RRAGD: variants seen among roughly 807,000 people sequenced by gnomAD.
RRAGD encodes the protein Ras related GTP binding D, also known as ras-related GTP-binding protein D.
A neutral mutation model predicts 35.5 loss-of-function variants in RRAGD; 12 were observed. The ratio of observed to expected loss-of-function variants is 0.34; its 90% confidence interval spans 0.22 to 0.55. The LOEUF is 0.55. Ranked by LOEUF, RRAGD falls within the 20% of genes least tolerant of loss-of-function variation. The probability of loss-of-function intolerance (pLI) is 0.91; values close to 1 mark genes in which losing one functional copy is unlikely to be tolerated. For synonymous variants in RRAGD, 155 were observed against 178.9 expected, an observed-to-expected ratio of 0.87 and a Z score of 1.07; for missense variants, 324 against 490.1, an observed-to-expected ratio of 0.66 and a Z score of 3.20.
In RRAGD at chr6:89,387,400, A is replaced by G. The variant is rs756021723; in HGVS notation, c.339T>C (p.Phe113=). The part of the protein sequence containing the change: ...EDVSNSSFVN[F]QIWDFPGQID... Reference sequence around the variant, plus strand: ...TCTGTCCTGGGAAGTCCCAAATCTGAAAATTGACAAAGGAGCTGTTGGAAA... The same window carrying G: ...TCTGTCCTGGGAAGTCCCAAATCTGGAAATTGACAAAGGAGCTGTTGGAAA... Residue 113 remains phenylalanine (F), a synonymous_variant, in exon 2 of 7, where the codon TTT becomes TTC. Coordinates refer to ENST00000369415, the MANE Select transcript of RRAGD (RefSeq NM_021244.5). 1.9e-6 allele frequency: 3 copies of G among 1,614,212 alleles called. No homozygotes were observed. The highest frequency in any genetic ancestry group is 3.3e-5 in the Admixed American group (2 of 60,030).
intron 6 of RRAGD, among the ~76,000 whole-genome samples, chr6:89,370,810 G>A (rs906848368): frequency 1.3e-5 from 2 of 152,080 alleles, no homozygotes; most frequent in Non-Finnish European, 2.9e-5. Context: ...ATCTATCATA[G>A]TCCTTTTAGA....
chr6:89,398,040 G>A (rs1047015699), intron 1 of RRAGD, among the ~76,000 whole-genome samples: 1 of 152,120 alleles, frequency 6.6e-6, no homozygotes, highest in Non-Finnish European at 1.5e-5. Flanking sequence ...GCAGCTACTT[G>A]GGAGGCTGAG....
intron 1 of RRAGD, among the ~76,000 whole-genome samples, chr6:89,398,181 T>A (rs1435836198): frequency 6.6e-6 from 1 of 151,138 alleles, no homozygotes; most frequent in East Asian, 1.9e-4. Context: ...GAAGAGGCAG[T>A]AGGCAGTAAG....
intron 1 of RRAGD, among the ~76,000 whole-genome samples, chr6:89,403,726 C>T (rs1243005904): frequency 2.0e-5 from 3 of 150,794 alleles, no homozygotes; most frequent in Non-Finnish European, 4.4e-5. Context: ...CCTCAAACTC[C>T]TGGGCTCAAG....
intron 1 of RRAGD, among the ~76,000 whole-genome samples, chr6:89,406,906 T>C (rs904499580): frequency 8.5e-5 from 13 of 152,126 alleles, no homozygotes; most frequent in South Asian, 2.1e-4. Flanking sequence ...CCCTAGAGGT[T>C]TGAGCAGCAG....
In RRAGD at chr6:89,365,491, A is replaced by G. The variant is rs989561087; in HGVS notation, c.*2565T>C. The G allele has an allele frequency of 6.6e-6, 1 of 152,250 alleles. No homozygotes were observed. Among genetic ancestry groups the G allele is most frequent in the Non-Finnish European group, 1.5e-5 (1 of 68,044 alleles). 9.4% of individuals were successfully genotyped at this position (152,250 alleles called of 1,614,324 possible). ...CCTCTCATATCAAAAATACAATGCA[A>G]AATGACTTGAAGACATTTCCAATAA... On this transcript the variant is annotated 3_prime_UTR_variant, in exon 7 of 7. Coordinates refer to ENST00000369415, the MANE Select transcript of RRAGD (RefSeq NM_021244.5).
chr6:89,395,248 A>G (rs1388246648), intron 1 of RRAGD, among the ~76,000 whole-genome samples: 1 of 152,180 alleles, frequency 6.6e-6, no homozygotes, highest in African/African-American at 2.4e-5. Context: ...AACAGAGTTA[A>G]GAACCTGTCT....
intron 5 of RRAGD, among the ~76,000 whole-genome samples, chr6:89,377,420 G>A (rs1329473905): frequency 1.3e-5 from 2 of 152,084 alleles, no homozygotes. Flanking sequence ...GATCTATCCT[G>A]GACAACACAG....
intron 5 of RRAGD, among the ~76,000 whole-genome samples, chr6:89,372,892 C>T (rs1768877215): frequency 6.6e-6 from 1 of 152,210 alleles, no homozygotes; most frequent in Non-Finnish European, 1.5e-5. Context: ...TTCTTGTTTT[C>T]TCACCTAGAA....
chr6:89,391,323 T>C lies in RRAGD; in HGVS notation c.149-3733A>G, dbSNP rs572819321. ...TCCCTTGAGCCCAGTGGCTCGAGGC[T>C]GCAGTGAGCCACAATCATGCCACTG... On this transcript the variant is annotated intron_variant, in intron 1 of 6. Coordinates refer to ENST00000369415, the MANE Select transcript of RRAGD (RefSeq NM_021244.5). Among the ~76,000 whole-genome samples the C allele has an allele frequency of 2.3e-4, 35 of 151,412 alleles. No individual in the cohort carries two copies. In the South Asian group the frequency reaches 6.7e-3, roughly 29 times the overall value.
chr6:89,383,723 C>T (rs925943217), intron 2 of RRAGD, among the ~76,000 whole-genome samples: 62 of 152,134 alleles, frequency 4.1e-4, no homozygotes, highest in African/African-American at 1.5e-3. Context: ...TGTGAGGACA[C>T]ATTTACTCCT....
intron 1 of RRAGD, among the ~76,000 whole-genome samples, chr6:89,408,687 T>TTC (rs1769636786): frequency 2.6e-5 from 4 of 152,146 alleles, no homozygotes; most frequent in African/African-American, 9.7e-5. Flanking sequence ...GGACTGTGGG[T>TTC]GAGCAGCTTA....
At chr6:89,391,956 C>CCAA (rs757756018) in intron 1 of RRAGD, among the ~76,000 whole-genome samples, 4 of 99,162 alleles carry the variant, frequency 4.0e-5, no homozygotes, top group African/African-American at 1.5e-4. Context: ...GACCCTATCT[C>CCAA]AAAAAAAAAA....
At position 89,411,740 on chromosome 6, in the gene RRAGD, T is replaced by C; in HGVS notation, c.148+106A>G. ...AAACCCTCAACTGGACCCGCTCCCC[T>C]GGACCCCCTCCAAGTCGGTGGCTCG... On this transcript the variant is annotated intron_variant, in intron 1 of 6. Transcript: ENST00000369415. The surrounding 1 kb of genome is among the most constrained non-coding windows in gnomAD (Gnocchi z 5.6). 2 of 1,155,098 alleles carry C rather than the reference T, an allele frequency of 1.7e-6. No homozygotes were observed. Among genetic ancestry groups the C allele is most frequent in the Non-Finnish European group, 2.4e-6 (2 of 849,032 alleles). The allele number at this position is 1,155,098 out of a possible 1,614,324, so 71.6% of individuals were successfully genotyped here. A position where few individuals can be genotyped will look rare whatever the true frequency, so the allele number is the denominator to read the frequency against.
chr6:89,409,940 A>G (rs1386885216), intron 1 of RRAGD, among the ~76,000 whole-genome samples: 3 of 152,218 alleles, frequency 2.0e-5, no homozygotes, highest in Admixed American at 1.3e-4. Context: ...ATCCTTTTAT[A>G]GCAAGATCCC....
chr6:89,372,314 T>C, intron 6 of RRAGD, 123 bp downstream of exon 6: 1 of 1,085,186 alleles, frequency 9.2e-7, no homozygotes, highest in Non-Finnish European at 1.3e-6. Flanking sequence ...CAAGAGGGCC[T>C]GTGACTGGCA....
chr6:89,391,384 CA>C (rs36108326), intron 1 of RRAGD, among the ~76,000 whole-genome samples: 1,234 of 107,614 alleles, frequency 0.011, 5 homozygotes, highest in African/African-American at 0.028. Flanking sequence ...GACCCTGTCT[CA>C]AAAAAAAAAA....
chr6:89,369,305 G>A (rs1363889225), intron 6 of RRAGD, among the ~76,000 whole-genome samples: 7 of 152,152 alleles, frequency 4.6e-5, no homozygotes, highest in South Asian at 2.1e-4. Context: ...GCAAAGGAAC[G>A]ATTTTTAAAT....
At chr6:89,378,783 G>C (rs1384810533) in intron 4 of RRAGD, among the ~76,000 whole-genome samples, 2 of 152,216 alleles carry the variant, frequency 1.3e-5, no homozygotes, top group Non-Finnish European at 2.9e-5. Context: ...TTAGAGACAA[G>C]TTCTCGCTCT....
Sources: gnomAD v4.1 joint callset for allele counts (sites outside exome capture counted in the v4.1 genomes callset) on GRCh38, gnomAD v4.1.1 for gene constraint, Gnocchi (gnomAD v3.1) non-coding constraint, MANE v1.5 for transcripts, NCBI Gene and HGNC (gene_info 2026-07-23, HGNC 2026-07-21) for gene names.